Variants in TMEM132C observed in about 807,000 individuals in gnomAD.
The protein encoded by TMEM132C is transmembrane protein 132C.
In TMEM132C, 29 loss-of-function variants were observed where a neutral mutation model predicts 61.4. The observed-to-expected ratio is 0.47, with a 90% CI of 0.35 to 0.64. TMEM132C has a LOEUF of 0.64. Among genes scored for constraint, TMEM132C ranks in the 30% least tolerant of loss-of-function variants. The pLI, the probability that TMEM132C is intolerant of heterozygous loss-of-function variation, is 0.00. For synonymous variants in TMEM132C, 656 were observed against 633.1 expected, an observed-to-expected ratio of 1.04 and a Z score of -0.54; for missense variants, 1,408 against 1,476.9, an observed-to-expected ratio of 0.95 and a Z score of 0.76.
chr12:128,339,173 C>T (rs867881), intron 1 of TMEM132C, among the ~76,000 whole-genome samples: 23,256 of 151,894 alleles, frequency 0.15, 3,952 homozygotes, highest in African/African-American at 0.43. Flanking sequence ...GGAGGTCAGC[C>T]CCCACTGCCA....
In TMEM132C at chr12:128,305,503, T is replaced by C. The variant is rs1364102401; in HGVS notation, c.85+38016T>C. 2.6e-5 allele frequency among the ~76,000 whole-genome samples: 4 copies of C among 151,756 alleles called. No homozygotes were observed. In the East Asian group the frequency reaches 5.8e-4, roughly 22 times the overall value. On this transcript the variant is annotated intron_variant, in intron 1 of 8. Coordinates refer to ENST00000435159, the MANE Select transcript of TMEM132C (RefSeq NM_001136103.3). Reference sequence around the variant, plus strand: ...TAAACGTTAAGTTTCCGCCGAACTTTAGATGATTCTGCGGCTTTGTGTTGT... The same window carrying C: ...TAAACGTTAAGTTTCCGCCGAACTTCAGATGATTCTGCGGCTTTGTGTTGT...
chr12:128,669,257 C>T (rs970776989), intron 4 of TMEM132C, among the ~76,000 whole-genome samples, 160 bp from the exon 5 acceptor site: 1 of 152,138 alleles, frequency 6.6e-6, no homozygotes, highest in Non-Finnish European at 1.5e-5. Flanking sequence ...AAGAATAGCC[C>T]TTTATTCCAA....
chr12:128,643,106 A>G (rs965075809), intron 4 of TMEM132C, among the ~76,000 whole-genome samples: 6 of 152,018 alleles, frequency 3.9e-5, no homozygotes, highest in Non-Finnish European at 7.4e-5. Flanking sequence ...CCCCTTAATC[A>G]CTTCAAAGAA....
At position 128,706,259 on chromosome 12, in the gene TMEM132C, TAGAAACTATCTGG is replaced by T; in HGVS notation, c.3299_3311del (p.Tyr1100SerfsTer9). 1 of 1,549,674 alleles carries T rather than the reference TAGAAACTATCTGG, an allele frequency of 6.5e-7. No individual in the cohort carries two copies. Among genetic ancestry groups the T allele is most frequent in the Non-Finnish European group, 8.7e-7 (1 of 1,145,818 alleles). ...TGGCTGTGGGTGCCCCCAAGGAACT[TAGAAACTATCTGG>T]AGAAACTCAAAGATAAGGCTTAGGC... On this transcript the variant is annotated frameshift_variant, in exon 9 of 9. Coordinates refer to ENST00000435159, the MANE Select transcript of TMEM132C (RefSeq NM_001136103.3). LOFTEE classifies it low-confidence loss of function (END_TRUNC).
intron 1 of TMEM132C, among the ~76,000 whole-genome samples, chr12:128,299,868 G>A (rs763473178): frequency 3.3e-5 from 5 of 152,170 alleles, no homozygotes; most frequent in Non-Finnish European, 7.3e-5. Flanking sequence ...ACTCTAAGAT[G>A]TTAGCACTGA....
intron 1 of TMEM132C, among the ~76,000 whole-genome samples, chr12:128,315,284 C>T (rs565038792): frequency 2.6e-5 from 4 of 152,210 alleles, no homozygotes; most frequent in Middle Eastern, 3.4e-3. Flanking sequence ...TGGAGAGGAA[C>T]GGGATGAGGC....
intron 2 of TMEM132C, among the ~76,000 whole-genome samples, chr12:128,539,350 C>T (rs1873648887): frequency 6.6e-6 from 1 of 152,198 alleles, no homozygotes; most frequent in African/African-American, 2.4e-5. Context: ...GGCGTGGTGT[C>T]TCACACCTGT....
chr12:128,341,283 T>C (rs1872971213), intron 1 of TMEM132C, among the ~76,000 whole-genome samples: 2 of 152,166 alleles, frequency 1.3e-5, no homozygotes, highest in African/African-American at 4.8e-5. Flanking sequence ...TCTCAGGATG[T>C]CTAGGATGGA....
chr12:128,462,679 A>G (rs1870578045), intron 2 of TMEM132C, among the ~76,000 whole-genome samples: 2 of 152,156 alleles, frequency 1.3e-5, no homozygotes, highest in South Asian at 4.1e-4. Flanking sequence ...CATTTAGAAA[A>G]GTATAAAGTC....
intron 2 of TMEM132C, among the ~76,000 whole-genome samples, chr12:128,469,662 G>GTATA (rs144261529): frequency 6.9e-6 from 1 of 144,748 alleles, no homozygotes; most frequent in Non-Finnish European, 1.5e-5. Context: ...GTGTGTGTGT[G>GTATA]TATATATATA....
At chr12:128,557,498 G>A (rs947730337) in intron 3 of TMEM132C, among the ~76,000 whole-genome samples, 15 of 152,126 alleles carry the variant, frequency 9.9e-5, no homozygotes, top group African/African-American at 2.7e-4. Context: ...CTAATGTCTC[G>A]CCTTAGAGAC....
chr12:128,270,215 A>G (rs1870464216), intron 1 of TMEM132C, among the ~76,000 whole-genome samples: 1 of 152,210 alleles, frequency 6.6e-6, no homozygotes, highest in South Asian at 2.1e-4. Flanking sequence ...GTGGGACCAC[A>G]TTCTCTTTTC....
chr12:128,373,880 G>T (rs927275570), intron 1 of TMEM132C, among the ~76,000 whole-genome samples: 1 of 152,182 alleles, frequency 6.6e-6, no homozygotes, highest in Admixed American at 6.5e-5. Flanking sequence ...ATGGCCTTGC[G>T]TGCTGCACTT....
intron 2 of TMEM132C, among the ~76,000 whole-genome samples, chr12:128,514,536 G>A (rs1268154407): frequency 6.6e-6 from 1 of 152,186 alleles, no homozygotes; most frequent in East Asian, 1.9e-4. Context: ...CGGGGTGCGG[G>A]GGCGACGCAA....
chr12:128,365,197 G>C (rs1258036874), intron 1 of TMEM132C, among the ~76,000 whole-genome samples: 1 of 152,162 alleles, frequency 6.6e-6, no homozygotes, highest in Non-Finnish European at 1.5e-5. Context: ...GCTCTTGCTT[G>C]ATTGGCTGAT....
intron 2 of TMEM132C, among the ~76,000 whole-genome samples, chr12:128,507,049 C>A (rs1291785337): frequency 6.6e-6 from 1 of 152,028 alleles, no homozygotes; most frequent in Admixed American, 6.6e-5. Context: ...AAAAAGAAGT[C>A]CTGGTTTACC....
chr12:128,414,741 G>A lies in TMEM132C; in HGVS notation c.95G>A (p.Gly32Asp). 6.6e-7 allele frequency: 1 copy of A among 1,525,570 alleles called. No individual in the cohort carries two copies. The highest frequency in any genetic ancestry group is 8.8e-7 in the Non-Finnish European group (1 of 1,139,146). 94.5% of individuals were successfully genotyped at this position (1,525,570 alleles called of 1,614,324 possible). ...CTTTTTCCCTTTTTAGTGATAGAGG[G>A]TCACGGGGTCACAGACAACATACAG... ...LGALLGKVIE[G>D]HGVTDNIQRF... The change falls in exon 2 of 9, where the codon GGT (glycine) becomes GAT (aspartate). Residue 32 changes from glycine (G) to aspartate (D), a missense_variant. Coordinates refer to ENST00000435159, the MANE Select transcript of TMEM132C (RefSeq NM_001136103.3).
At chr12:128,313,144 G>A (rs972741444) in intron 1 of TMEM132C, among the ~76,000 whole-genome samples, 2 of 152,200 alleles carry the variant, frequency 1.3e-5, no homozygotes, top group African/African-American at 2.4e-5. Flanking sequence ...AGGCAGGCTC[G>A]GGGCAGCACA....
intron 1 of TMEM132C, among the ~76,000 whole-genome samples, chr12:128,388,690 C>A (rs868174653): frequency 1.3e-5 from 2 of 152,246 alleles, no homozygotes; most frequent in African/African-American, 4.8e-5. Context: ...GGGGCCACCC[C>A]AAAGAGGTAC....
Sources: allele counts gnomAD v4.1 joint callset (sites outside exome capture counted in the v4.1 genomes callset), GRCh38; gene constraint gnomAD v4.1.1; transcripts MANE v1.5; gene names NCBI Gene and HGNC (gene_info 2026-07-23, HGNC 2026-07-21).